The following APBA2 variants were observed in gnomAD, a reference collection of about 807,000 sequenced individuals.
APBA2 encodes amyloid beta precursor protein binding family A member 2.
In APBA2, 30 loss-of-function variants were observed where a neutral mutation model predicts 75.0. The ratio of observed to expected loss-of-function variants is 0.40; its 90% CI spans 0.30 to 0.54. The LOEUF (loss-of-function observed/expected upper bound fraction) is 0.54, where lower values mean the gene tolerates loss of function less well. APBA2 is among the 20% of genes least tolerant of loss of function. APBA2 has a pLI of 0.49. For missense variants in APBA2, 801 were observed against 1,016.1 expected, an observed-to-expected ratio of 0.79 and a Z score of 2.88; for synonymous variants, 444 against 409.6, an observed-to-expected ratio of 1.08 and a Z score of -1.01.
chr15:28,934,523 T>C (rs1165206394), intron 2 of APBA2, among the ~76,000 whole-genome samples: 1 of 152,112 alleles, frequency 6.6e-6, no homozygotes, highest in African/African-American at 2.4e-5. Flanking sequence ...AGGGTCTAGG[T>C]GTGCGAGGTC....
At chr15:29,016,883 C>A (rs1366627961) in intron 3 of APBA2, among the ~76,000 whole-genome samples, 3 of 151,980 alleles carry the variant, frequency 2.0e-5, no homozygotes, top group Non-Finnish European at 2.9e-5. Context: ...TTCTTTCTTC[C>A]TTTTTTATCT....
chr15:28,900,059 T>A (rs2032757469), intron 1 of APBA2, among the ~76,000 whole-genome samples: 1 of 151,938 alleles, frequency 6.6e-6, no homozygotes, highest in African/African-American at 2.4e-5. Flanking sequence ...GTCAGTTCCT[T>A]TCTAGGTGAG....
intron 10 of APBA2, among the ~76,000 whole-genome samples, chr15:29,103,516 G>A (rs1357665468): frequency 6.6e-6 from 1 of 152,216 alleles, no homozygotes. Flanking sequence ...ACACCTCCCA[G>A]GAGGCAGCCG....
intron 2 of APBA2, among the ~76,000 whole-genome samples, chr15:28,974,506 G>C (rs931543224): frequency 6.6e-6 from 1 of 152,106 alleles, no homozygotes; most frequent in African/African-American, 2.4e-5. Context: ...AGACTACTTG[G>C]AACACTTAGG....
At chr15:28,985,567 A>T (rs1009295699) in intron 2 of APBA2, among the ~76,000 whole-genome samples, 1 of 152,222 alleles carries the variant, frequency 6.6e-6, no homozygotes, top group East Asian at 1.9e-4. Context: ...TTCAATTAAA[A>T]TGGATTTTGG....
intron 3 of APBA2, among the ~76,000 whole-genome samples, chr15:29,001,094 C>T (rs1314305770): frequency 6.6e-6 from 1 of 152,198 alleles, no homozygotes. Context: ...GCTTCTGTCT[C>T]TGTGGATTTG....
chr15:29,008,987 G>T (rs1447686235), intron 3 of APBA2, among the ~76,000 whole-genome samples: 1 of 152,192 alleles, frequency 6.6e-6, no homozygotes, highest in Non-Finnish European at 1.5e-5. Context: ...AGAGAAGCCG[G>T]CAGGCTCTTC....
rs372858962 is a variant in APBA2 at position 29,048,121 on chromosome 15, G to T, written c.-40-5724G>T. On this transcript the variant is annotated intron_variant, in intron 3 of 14. Coordinates refer to ENST00000683413, the MANE Select transcript of APBA2 (RefSeq NM_001353788.2). The stretch of plus-strand genomic sequence containing the variant: ...CCCAGCACTTTGGGAAACCGAGGTG[G>T]CTGATCACTTGAGGCAGGAGTTGGA... Among the ~76,000 whole-genome samples the T allele has an allele frequency of 3.9e-5, 6 of 152,232 alleles. 1 individual carries two copies. Among genetic ancestry groups the T allele is most frequent in the African/African-American group, 7.2e-5 (3 of 41,524 alleles).
At chr15:29,101,104 C>T (rs2044094800) in intron 9 of APBA2, among the ~76,000 whole-genome samples, 1 of 149,012 alleles carries the variant, frequency 6.7e-6, no homozygotes, top group East Asian at 2.1e-4. Flanking sequence ...TGGGGAGAGG[C>T]TTGGAATGCT....
At chr15:28,977,825 C>G (rs1299985997) in intron 2 of APBA2, among the ~76,000 whole-genome samples, 1 of 152,028 alleles carries the variant, frequency 6.6e-6, no homozygotes, top group African/African-American at 2.4e-5. Context: ...GAGTGAGAAC[C>G]CTACTGACTG....
Position 29,021,303 on chromosome 15 carries a change from C to T in APBA2, c.-41+25497C>T, listed in dbSNP as rs574182638. Among the ~76,000 whole-genome samples, 9 of 152,126 alleles carry T rather than the reference C, an allele frequency of 5.9e-5. No individual in the cohort carries two copies. In the South Asian group the frequency reaches 1.7e-3, roughly 28 times the overall value. On this transcript the variant is annotated intron_variant, in intron 3 of 14. Coordinates refer to ENST00000683413, the MANE Select transcript of APBA2 (RefSeq NM_001353788.2). ...CAGCACTTTGGGAAGCCAAGGCGGG[C>T]GGATCACCTGAGGTCAGGAGTTGAG...
intron 2 of APBA2, among the ~76,000 whole-genome samples, chr15:28,941,817 C>T (rs1235196417): frequency 3.9e-5 from 6 of 152,244 alleles, no homozygotes; most frequent in Admixed American, 2.0e-4. Flanking sequence ...AGCGCAGTGG[C>T]GCGATCTCAG....
intron 3 of APBA2, among the ~76,000 whole-genome samples, chr15:29,003,942 T>TGCCTA (rs1233267629): frequency 1.3e-5 from 2 of 152,220 alleles, no homozygotes; most frequent in Non-Finnish European, 2.9e-5. Context: ...AGTGGCTGAT[T>TGCCTA]GCCTAGCCAA....
At chr15:28,960,324 T>C (rs1243275775) in intron 2 of APBA2, among the ~76,000 whole-genome samples, 1 of 150,976 alleles carries the variant, frequency 6.6e-6, no homozygotes, top group Non-Finnish European at 1.5e-5. Flanking sequence ...ATTAGCTGGG[T>C]GTGGTGGTGG....
chr15:28,945,307 A>T (rs914198889), intron 2 of APBA2, among the ~76,000 whole-genome samples: 1 of 152,174 alleles, frequency 6.6e-6, no homozygotes, highest in African/African-American at 2.4e-5. Flanking sequence ...GGCCACTCAC[A>T]GTTGTTCGTG....
At chr15:28,958,217 C>T (rs1270118698) in intron 2 of APBA2, among the ~76,000 whole-genome samples, 1 of 152,244 alleles carries the variant, frequency 6.6e-6, no homozygotes, top group Non-Finnish European at 1.5e-5. Context: ...GTCCTTTCTC[C>T]AGTCACATCG....
At chr15:29,039,830 C>A (rs566937157) in intron 3 of APBA2, among the ~76,000 whole-genome samples, 12 of 152,184 alleles carry the variant, frequency 7.9e-5, no homozygotes, top group Admixed American at 7.2e-4. Context: ...ATGGAGTAAG[C>A]CCACTATCGT....
intron 3 of APBA2, among the ~76,000 whole-genome samples, chr15:29,000,529 C>T: frequency 6.6e-6 from 1 of 152,188 alleles, no homozygotes; most frequent in East Asian, 1.9e-4. Flanking sequence ...TCCACCTTGG[C>T]TGACTACCTG....
chr15:28,898,145 G>C (rs1211629129), intron 1 of APBA2, among the ~76,000 whole-genome samples: 1 of 152,198 alleles, frequency 6.6e-6, no homozygotes, highest in East Asian at 1.9e-4. Context: ...CCAACAGCTT[G>C]ATTTCAGCCC....
Sources: allele counts gnomAD v4.1 joint callset (sites outside exome capture counted in the v4.1 genomes callset), GRCh38; gene constraint gnomAD v4.1.1; transcripts MANE v1.5; gene names NCBI Gene and HGNC (gene_info 2026-07-23, HGNC 2026-07-21).